The following PLXDC2 variants were observed in gnomAD, a reference collection of about 807,000 sequenced individuals.
The protein encoded by PLXDC2 is plexin domain-containing protein 2.
In PLXDC2, 40 loss-of-function variants were observed where a neutral mutation model predicts 68.9. The ratio of observed to expected loss-of-function variants is 0.58; its 90% CI spans 0.45 to 0.76. PLXDC2 has a LOEUF of 0.76. Ranked by LOEUF, PLXDC2 falls within the 30% of genes least tolerant of loss-of-function variation. The pLI, the probability that PLXDC2 is intolerant of heterozygous loss-of-function variation, is 0.00. For synonymous variants in PLXDC2, 243 were observed against 234.2 expected, an observed-to-expected ratio of 1.04 and a Z score of -0.34; for missense variants, 644 against 661.9, an observed-to-expected ratio of 0.97 and a Z score of 0.30.
At chr10:19,855,093 C>G (rs1262115615) in intron 1 of PLXDC2, among the ~76,000 whole-genome samples, 1 of 152,048 alleles carries the variant, frequency 6.6e-6, no homozygotes, top group Non-Finnish European at 1.5e-5. Context: ...ATAAATATAT[C>G]CAACAAGCCT....
At chr10:20,257,423 GT>G (rs1225048176) in intron 13 of PLXDC2, among the ~76,000 whole-genome samples, 1 of 151,276 alleles carries the variant, frequency 6.6e-6, no homozygotes, top group African/African-American at 2.4e-5. Flanking sequence ...GAAACTTTTT[GT>G]TGTTATTATT....
chr10:19,959,368 T>A (rs1457188310), intron 1 of PLXDC2, among the ~76,000 whole-genome samples: 1 of 152,198 alleles, frequency 6.6e-6, no homozygotes, highest in Non-Finnish European at 1.5e-5. Context: ...GGTCAAAGCC[T>A]CATCCAACTT....
At chr10:20,209,113 G>A (rs904564275) in intron 9 of PLXDC2, among the ~76,000 whole-genome samples, 6 of 152,108 alleles carry the variant, frequency 3.9e-5, no homozygotes, top group Admixed American at 6.6e-5. Context: ...TGAAAACATC[G>A]TATCAGGAAA....
At position 20,151,767 on chromosome 10, in the gene PLXDC2, G is replaced by A. The variant is rs553393004; in HGVS notation, c.783+3865G>A. Among the ~76,000 whole-genome samples, 140 of 152,078 alleles carry A rather than the reference G, an allele frequency of 9.2e-4. 1 individual carries two copies. The highest frequency in any genetic ancestry group is 3.1e-3 in the African/African-American group (128 of 41,506). ...AATTCTAAGAGCATATAATTACAAG[G>A]AGTAAAATTTTCTGTTCCTGTCCAA... On this transcript the variant is annotated intron_variant, in intron 6 of 13. Coordinates refer to ENST00000377252, the MANE Select transcript of PLXDC2 (RefSeq NM_032812.9).
At chr10:19,876,156 A>G (rs1270514232) in intron 1 of PLXDC2, among the ~76,000 whole-genome samples, 1 of 152,154 alleles carries the variant, frequency 6.6e-6, no homozygotes, top group Non-Finnish European at 1.5e-5. Context: ...TAAAGGAACC[A>G]GAAGGAAAAA....
rs535842170 is a variant in PLXDC2, at chr10:20,025,721, C to T, written c.325-21148C>T. Among the ~76,000 whole-genome samples the T allele has an allele frequency of 5.9e-5, 9 of 152,080 alleles. No homozygotes were observed. In the South Asian group the frequency reaches 1.9e-3, roughly 32 times the overall value. ...TAGAAGTTTCTATTCAAGTCTTTTG[C>T]CCATTTTTAATGTAGTTGTCTGTTT... On this transcript the variant is annotated intron_variant, in intron 2 of 13. Transcript: ENST00000377252.
At chr10:20,209,423 T>C (rs1835037465) in intron 9 of PLXDC2, among the ~76,000 whole-genome samples, 1 of 151,832 alleles carries the variant, frequency 6.6e-6, no homozygotes, top group Non-Finnish European at 1.5e-5. Context: ...CATTAGGAGA[T>C]ATACCTAATG....
chr10:20,259,459 T>TA (rs150154540), intron 13 of PLXDC2, among the ~76,000 whole-genome samples: 2,343 of 152,292 alleles, frequency 0.015, 55 homozygotes, highest in African/African-American at 0.049. Flanking sequence ...ACAGAACCAT[T>TA]AGGCATCAGA....
chr10:20,137,557 T>G (rs973431136), intron 4 of PLXDC2, among the ~76,000 whole-genome samples: 4 of 152,220 alleles, frequency 2.6e-5, no homozygotes, highest in African/African-American at 4.8e-5. Context: ...GTAGCATGAT[T>G]TGAGGTGGCC....
At chr10:19,844,663 A>G (rs1474132917) in intron 1 of PLXDC2, among the ~76,000 whole-genome samples, 1 of 150,774 alleles carries the variant, frequency 6.6e-6, no homozygotes, top group Non-Finnish European at 1.5e-5. Flanking sequence ...TGGTGTGACC[A>G]TGTCTCACTG....
chr10:20,132,837 G>A (rs1312261435), intron 4 of PLXDC2, among the ~76,000 whole-genome samples: 1 of 151,182 alleles, frequency 6.6e-6, no homozygotes. Flanking sequence ...TACATTTAAA[G>A]TAATTATTTA....
chr10:19,916,459 CT>C (rs1156721688), intron 1 of PLXDC2, among the ~76,000 whole-genome samples: 2 of 151,454 alleles, frequency 1.3e-5, no homozygotes, highest in Non-Finnish European at 2.9e-5. Flanking sequence ...TGGAAGGGGA[CT>C]TTTTTTCTTT....
chr10:20,238,567 A>C (rs1835464412), intron 12 of PLXDC2, among the ~76,000 whole-genome samples: 1 of 150,070 alleles, frequency 6.7e-6, no homozygotes, highest in Non-Finnish European at 1.5e-5. Context: ...GAATTACCTG[A>C]ATCCGGGAGG....
At chr10:20,046,279 A>G (rs765589468) in intron 2 of PLXDC2, among the ~76,000 whole-genome samples, 1 of 152,020 alleles carries the variant, frequency 6.6e-6, no homozygotes, top group Admixed American at 6.6e-5. Flanking sequence ...AGTCTTGTAT[A>G]TTTAACAATT....
intron 1 of PLXDC2, among the ~76,000 whole-genome samples, chr10:19,858,906 G>T (rs966783068): frequency 1.3e-5 from 2 of 152,020 alleles, no homozygotes; most frequent in African/African-American, 2.4e-5. Flanking sequence ...TCATGATTCT[G>T]CAGGCTATCA....
intron 1 of PLXDC2, among the ~76,000 whole-genome samples, chr10:19,852,692 A>G (rs889278744): frequency 1.3e-5 from 2 of 152,156 alleles, no homozygotes; most frequent in Non-Finnish European, 2.9e-5. Context: ...ATTCAGCCAA[A>G]TGGATGATAT....
intron 5 of PLXDC2, among the ~76,000 whole-genome samples, chr10:20,146,736 G>A (rs1289153621): frequency 6.6e-6 from 1 of 152,060 alleles, no homozygotes; most frequent in Non-Finnish European, 1.5e-5. Context: ...ACAATTGGGT[G>A]TTCAAAATAT....
rs1321225462 is a variant in PLXDC2 at position 20,140,048 on chromosome 10, C to A, written c.542-3247C>A. Among the ~76,000 whole-genome samples the A allele has an allele frequency of 2.6e-5, 4 of 152,232 alleles. 1 individual carries two copies. The highest frequency in any genetic ancestry group is 2.6e-4 in the Admixed American group (4 of 15,292). ...AGGCGTGGTGGCACACGCCTGTAAT[C>A]CCAGCACTTTGGGAGGCCGAGGCAG... On this transcript the variant is annotated intron_variant, in intron 4 of 13. Coordinates refer to ENST00000377252, the MANE Select transcript of PLXDC2 (RefSeq NM_032812.9).
intron 1 of PLXDC2, among the ~76,000 whole-genome samples, chr10:19,920,609 C>T (rs986056499): frequency 5.3e-5 from 8 of 152,224 alleles, no homozygotes; most frequent in African/African-American, 1.9e-4. Flanking sequence ...CCCTCCCACT[C>T]CATTCCCCCT....
Sources: allele counts gnomAD v4.1 joint callset (sites outside exome capture counted in the v4.1 genomes callset), GRCh38; gene constraint gnomAD v4.1.1; transcripts MANE v1.5; gene names NCBI Gene and HGNC (gene_info 2026-07-23, HGNC 2026-07-21).